The following SIGLEC1 variants were observed in gnomAD, a reference collection of about 807,000 sequenced individuals.
The protein encoded by SIGLEC1 is sialoadhesin.
A neutral mutation model predicts 148.0 loss-of-function variants in SIGLEC1; 132 were observed. The observed-to-expected ratio is 0.89, with a 90% CI of 0.77 to 1.03. SIGLEC1 has a LOEUF of 1.03. Ranked by LOEUF, SIGLEC1 falls within the 50% of genes least tolerant of loss-of-function variation. The pLI is 0.00. For missense variants in SIGLEC1, 2,253 were observed against 2,271.4 expected (o/e 0.99, Z 0.16); for synonymous variants, 945 against 969.0 (o/e 0.98, Z 0.46).
Position 3,694,875 on chromosome 20 carries a change from G to A in SIGLEC1, c.2732C>T (p.Ala911Val), listed in dbSNP as rs139424790. The change falls in exon 12 of 22, where the codon GCT becomes GTT. Residue 911 changes from alanine to valine, a missense_variant. Coordinates refer to ENST00000344754, the MANE Select transcript of SIGLEC1 (RefSeq NM_023068.4). ...SPSPELQEGQAVVLSCQVHTG... is the reference protein window; with the variant it reads ...SPSPELQEGQVVVLSCQVHTG... ...GTGTACCTGGCAGCTCAGGACCACA[G>A]CCTGGCCCTCTTGGAGCTCAGGTGA... 2.8e-4 allele frequency: 451 copies of A among 1,613,060 alleles called. No individual in the cohort carries two copies. Among genetic ancestry groups the A allele is most frequent in the Non-Finnish European group, 3.7e-4 (439 of 1,179,934 alleles).
chr20:3,708,558 G>A (rs982248865), intron 1 of SIGLEC1, among the ~76,000 whole-genome samples: 8 of 152,048 alleles, frequency 5.3e-5, no homozygotes, highest in Non-Finnish European at 1.0e-4. Context: ...TTTAGCCCAG[G>A]AGTTCAAGAC....
In SIGLEC1 at chr20:3,703,867, C is replaced by T. The variant is rs996761575; in HGVS notation, c.931G>A (p.Val311Met). Residue 311 changes from valine (V) to methionine (M), a missense_variant, in exon 5 of 22, where the codon GTG (valine) becomes ATG (methionine). Val to Met is a conservative substitution (Grantham distance 21). Coordinates refer to ENST00000344754, the MANE Select transcript of SIGLEC1 (RefSeq NM_023068.4). ...ATGGGGGGTGAGACCAAAGAGCCCA[C>T]GCCGTTCTCAGCTTGGCAGGTGTAG... ...GVYTCQAENG[V>M]GSLVSPPISL... 10 of 1,614,092 alleles carry T rather than the reference C, an allele frequency of 6.2e-6. No individual in the cohort carries two copies. The highest frequency in any genetic ancestry group is 2.2e-5 in the East Asian group (1 of 44,886).
intron 5 of SIGLEC1, 84 bp from the exon 6 acceptor site, chr20:3,703,535 C>T: frequency 2.7e-6 from 4 of 1,489,452 alleles, no homozygotes; most frequent in Non-Finnish European, 3.6e-6. Flanking sequence ...CTCAGCCAAT[C>T]AGCCTCAATC....
chr20:3,701,023 C>T (rs936936544), intron 7 of SIGLEC1, among the ~76,000 whole-genome samples: 1 of 152,116 alleles, frequency 6.6e-6, no homozygotes, highest in Admixed American at 6.6e-5. Context: ...TTCTATTTGG[C>T]TTCCCACATC....
At position 3,710,327 on chromosome 20, in the gene SIGLEC1, C is replaced by A. The variant is rs2087921392; in HGVS notation, c.-110+2143G>T. On this transcript the variant is annotated intron_variant, in intron 1 of 21. Coordinates refer to ENST00000344754, the MANE Select transcript of SIGLEC1 (RefSeq NM_023068.4). The surrounding 1 kb of genome is among the most constrained non-coding windows in gnomAD (Gnocchi z 4.6). Reference sequence around the variant, plus strand: ...CTGCAGAAGGCAGAAGGTGCCCCAGCAGGGGGCACAGTACAGGGCGGGATT... The same window carrying A: ...CTGCAGAAGGCAGAAGGTGCCCCAGAAGGGGGCACAGTACAGGGCGGGATT... Among the ~76,000 whole-genome samples, 1 of 152,180 alleles carries A rather than the reference C, an allele frequency of 6.6e-6. No homozygotes were observed. The highest frequency in any genetic ancestry group is 1.5e-5 in the Non-Finnish European group (1 of 68,020).
rs148932925 is a variant in SIGLEC1, at chr20:3,693,614, G to A, written c.3341C>T (p.Pro1114Leu). The A allele has an allele frequency of 3.4e-5, 55 of 1,612,660 alleles. No homozygotes were observed. The Middle Eastern group carries it at 1.2e-3, about 34-fold the overall frequency. The change falls in exon 14 of 22, where the codon CCG becomes CTG. Residue 1114 changes from proline (P) to leucine (L), a missense_variant. Coordinates refer to ENST00000344754, the MANE Select transcript of SIGLEC1 (RefSeq NM_023068.4). The stretch of plus-strand genomic sequence containing the variant: ...GTACCATGTGTAGGTGAGCTGGGCC[G>A]GGTGAGTGGTCCACACAAGGCAGGT... ...NLTCLVWTTH[P>L]AQLTYTWYQD...
rs550919162 is a variant in SIGLEC1 at position 3,699,261 on chromosome 20, C to T, written c.1727G>A (p.Arg576Gln). Residue 576 changes from arginine (R) to glutamine (Q), a missense_variant, in exon 8 of 22, where the codon CGG becomes CAG. Physicochemically the swap from Arg to Gln is conservative, Grantham distance 43. Coordinates refer to ENST00000344754, the MANE Select transcript of SIGLEC1 (RefSeq NM_023068.4). ...ACTGGCACTGTGGCCGTCCCGGGCC[C>T]GGCAGTGGTATGAGCCGGCGTCAGT... ...SSTDAGSYHC[R>Q]ARDGHSASGP... 5.0e-6 allele frequency: 8 copies of T among 1,609,868 alleles called. No individual in the cohort carries two copies. Among genetic ancestry groups the T allele is most frequent in the African/African-American group, 2.7e-5 (2 of 74,996 alleles).
chr20:3,700,266 C>T (rs542624272), intron 7 of SIGLEC1, among the ~76,000 whole-genome samples: 6 of 151,096 alleles, frequency 4.0e-5, no homozygotes, highest in African/African-American at 7.3e-5. Flanking sequence ...CACAGGTGTG[C>T]GCCACCACAC....
rs150358287 is a variant in SIGLEC1 at position 3,706,494 on chromosome 20, C to T, written c.262G>A (p.Glu88Lys). 12 of 1,613,636 alleles carry T rather than the reference C, an allele frequency of 7.4e-6. No individual in the cohort carries two copies. The highest frequency in any genetic ancestry group is 1.7e-5 in the Admixed American group (1 of 60,012). ...LVEARFRGRT[E>K]FMGNPEHRVC... ...CTGTGCTCGGGGTTCCCCATGAACT[C>T]GGTGCGGCCGCGGAAGCGGGCCTCC... Residue 88 changes from glutamate to lysine, a missense_variant, in exon 3 of 22, where the codon GAG (glutamate) becomes AAG (lysine). By Grantham distance (56) the Glu-to-Lys change is moderately conservative (BLOSUM62 1). Coordinates refer to ENST00000344754, the MANE Select transcript of SIGLEC1 (RefSeq NM_023068.4).
chr20:3,712,372 C>T (rs111387207), intron 1 of SIGLEC1, among the ~76,000 whole-genome samples, 98 bp downstream of exon 1: 2 of 151,490 alleles, frequency 1.3e-5, no homozygotes, highest in Admixed American at 6.6e-5. Context: ...GGAGCCCCCC[C>T]CCGACCCCTG....
intron 11 of SIGLEC1, among the ~76,000 whole-genome samples, 193 bp from the exon 12 acceptor site, chr20:3,695,116 C>G (rs572454574): frequency 6.6e-6 from 1 of 152,190 alleles, no homozygotes; most frequent in African/African-American, 2.4e-5. Flanking sequence ...TGCACAGGCT[C>G]CATCCTGGCA....
At position 3,694,416 on chromosome 20, in the gene SIGLEC1, C is replaced by T; in HGVS notation, c.3061G>A (p.Asp1021Asn). Residue 1021 changes from aspartate (D) to asparagine (N), a missense_variant, in exon 13 of 22, where the codon GAT becomes AAT. By Grantham distance (23) the Asp-to-Asn change is conservative (BLOSUM62 1). Coordinates refer to ENST00000344754, the MANE Select transcript of SIGLEC1 (RefSeq NM_023068.4). Reference sequence around the variant, plus strand: ...TGTAGGGTGGAGGCCACAAGGCGATCCCCGTGGAGCAGCCGCAGCTGGGCC... The same window carrying T: ...TGTAGGGTGGAGGCCACAAGGCGATTCCCGTGGAGCAGCCGCAGCTGGGCC... ...PPAQLRLLHG[D>N]RLVASTLQGV... The T allele has an allele frequency of 6.2e-7, 1 of 1,612,390 alleles. No homozygotes were observed. The highest frequency in any genetic ancestry group is 8.5e-7 in the Non-Finnish European group (1 of 1,179,240).
At position 3,710,346 on chromosome 20, in the gene SIGLEC1, C is replaced by T. The variant is rs1395429110; in HGVS notation, c.-110+2124G>A. ...CCCCAGCAGGGGGCACAGTACAGGG[C>T]GGGATTGGGACAGGAAGGACACCGC... On this transcript the variant is annotated intron_variant, in intron 1 of 21. Coordinates refer to ENST00000344754, the MANE Select transcript of SIGLEC1 (RefSeq NM_023068.4). The surrounding 1 kb of genome is among the most constrained non-coding windows in gnomAD (Gnocchi z 4.6). Among the ~76,000 whole-genome samples the T allele has an allele frequency of 1.3e-5, 2 of 152,244 alleles. No homozygotes were observed. The highest frequency in any genetic ancestry group is 3.9e-4 in the East Asian group (2 of 5,174).
chr20:3,690,525 G>GCA (rs2088748124), intron 18 of SIGLEC1, among the ~76,000 whole-genome samples: 1 of 152,212 alleles, frequency 6.6e-6, no homozygotes, highest in Non-Finnish European at 1.5e-5. Flanking sequence ...CAGCCTGCTG[G>GCA]GCACATGTGG....
Position 3,703,249 on chromosome 20 carries a change from C to T in SIGLEC1, c.1176G>A (p.Val392=). 6.2e-7 allele frequency: 1 copy of T among 1,614,212 alleles called. No individual in the cohort carries two copies. ...RADTGFYFCE[V]QNVHGSERSG... ...AGCGCTCGCTGCCATGGACGTTCTG[C>T]ACCTCACAGAAGTAGAAGCCAGTAT... Residue 392 remains valine (V), a synonymous_variant, in exon 6 of 22, where the codon GTG becomes GTA. Transcript: ENST00000344754.
Position 3,696,798 on chromosome 20 carries a change from A to AG in SIGLEC1, c.2470dup (p.Leu824ProfsTer30). On this transcript the variant is annotated frameshift_variant, in exon 11 of 22. Transcript: ENST00000344754. LOFTEE classifies it high-confidence loss of function. ...CCCATGGAACAAGGCCAGCAAGGCC[A>AG]GGGGGCGGCTGTCCACAGTGCAGAT... 6.2e-7 allele frequency: 1 copy of AG among 1,611,986 alleles called. No individual in the cohort carries two copies. The highest frequency in any genetic ancestry group is 8.5e-7 in the Non-Finnish European group (1 of 1,179,254).
intron 6 of SIGLEC1, among the ~76,000 whole-genome samples, chr20:3,702,540 A>G (rs1441489516): frequency 1.3e-5 from 2 of 151,998 alleles, no homozygotes; most frequent in African/African-American, 4.8e-5. Context: ...GTGAGCCAAG[A>G]TAGCACCATT....
At chr20:3,693,744 G>A (rs771795146) in intron 13 of SIGLEC1, 46 bp from the exon 14 acceptor site, 2 of 1,514,204 alleles carry the variant, frequency 1.3e-6, no homozygotes, top group African/African-American at 1.4e-5. Flanking sequence ...TCTTGAGGCT[G>A]TGTACAGCAG....
At position 3,707,072 on chromosome 20, in the gene SIGLEC1, A is replaced by G; in HGVS notation, c.49+8T>C. 6.2e-7 allele frequency: 1 copy of G among 1,613,968 alleles called. No individual in the cohort carries two copies. The highest frequency in any genetic ancestry group is 2.2e-5 in the East Asian group (1 of 44,888). On this transcript the variant is annotated splice_region_variant and intron_variant, in intron 2 of 21. Coordinates refer to ENST00000344754, the MANE Select transcript of SIGLEC1 (RefSeq NM_023068.4). Reference sequence around the variant, plus strand: ...CTGGAAGACAGGCACTAGGCCCGCAAAGCTTACCTGCTGGGAAGAATGAGG... The same window carrying G: ...CTGGAAGACAGGCACTAGGCCCGCAGAGCTTACCTGCTGGGAAGAATGAGG...
Sources: gnomAD v4.1 joint callset for allele counts (sites outside exome capture counted in the v4.1 genomes callset) on GRCh38, gnomAD v4.1.1 for gene constraint, Gnocchi (gnomAD v3.1) non-coding constraint, MANE v1.5 for transcripts, NCBI Gene and HGNC (gene_info 2026-07-23, HGNC 2026-07-21) for gene names.